Variants in LPAR1 observed in about 807,000 individuals in gnomAD.
LPAR1 encodes LPA receptor 1.
LPAR1 carries 5 observed loss-of-function variants against 23.8 expected under a neutral mutation model. The observed-to-expected ratio is 0.21, with a 90% CI of 0.11 to 0.44. The LOEUF is 0.44. LPAR1 is among the 20% of genes least tolerant of loss of function. The pLI is 0.99. For missense variants in LPAR1, 311 were observed against 482.8 expected (o/e 0.64, Z 3.33); for synonymous variants, 160 against 164.7 (o/e 0.97, Z 0.22).
rs557286445 is a variant in LPAR1 at position 110,926,167 on chromosome 9, G to C, written c.793+15254C>G. ...GATCTCCTGACCTCGTGATCCGCCC[G>C]CCTAGGCCTCCCAAAGTGCTGGGAT... On this transcript the variant is annotated intron_variant, in intron 5 of 5. Transcript: ENST00000683809. 7.9e-4 allele frequency among the ~76,000 whole-genome samples: 121 copies of C among 152,236 alleles called. No homozygotes were observed. In the Middle Eastern group the frequency reaches 0.014, roughly 17 times the overall value.
At chr9:111,037,856 AG>A (rs2097922697) in intron 1 of LPAR1, 2 of 152,166 alleles carry the variant, frequency 1.3e-5, no homozygotes, top group Admixed American at 6.5e-5. Context: ...GCGGGACAGG[AG>A]GGCCGGCGGC....
At chr9:110,889,669 G>T (rs1004373479) in intron 5 of LPAR1, among the ~76,000 whole-genome samples, 1 of 152,174 alleles carries the variant, frequency 6.6e-6, no homozygotes, top group Non-Finnish European at 1.5e-5. Flanking sequence ...AATAACAACA[G>T]GATACCAGCT....
intron 5 of LPAR1, among the ~76,000 whole-genome samples, chr9:110,911,419 T>C (rs181103737): frequency 6.6e-6 from 1 of 152,214 alleles, no homozygotes; most frequent in Admixed American, 6.5e-5. Flanking sequence ...GGTTCACACC[T>C]GTGGCCCAGC....
At chr9:110,967,389 T>G (rs2096261436) in intron 4 of LPAR1, among the ~76,000 whole-genome samples, 1 of 152,218 alleles carries the variant, frequency 6.6e-6, no homozygotes, top group African/African-American at 2.4e-5. Context: ...TATTATTGTT[T>G]GAAACAATCA....
intron 5 of LPAR1, among the ~76,000 whole-genome samples, chr9:110,938,940 T>C (rs141880180): frequency 2.8e-4 from 42 of 152,292 alleles, no homozygotes; most frequent in Admixed American, 5.9e-4. Context: ...TGTTCTGTGC[T>C]ACCCTGCCTA....
chr9:110,879,473 T>C (rs1588105555), intron 5 of LPAR1, among the ~76,000 whole-genome samples: 1 of 133,738 alleles, frequency 7.5e-6, no homozygotes, highest in South Asian at 2.7e-4. Flanking sequence ...TATTGTAACA[T>C]CAGAAACAGA....
chr9:111,034,417 T>C (rs1307531816), intron 2 of LPAR1, among the ~76,000 whole-genome samples: 1 of 151,408 alleles, frequency 6.6e-6, no homozygotes, highest in African/African-American at 2.4e-5. Flanking sequence ...GGAAAAAAAA[T>C]GTTTTCTTGG....
chr9:110,902,807 G>A (rs2089766074), intron 5 of LPAR1, among the ~76,000 whole-genome samples: 1 of 152,184 alleles, frequency 6.6e-6, no homozygotes. Flanking sequence ...ACTAGTGCCT[G>A]TCTCCAGGAT....
At chr9:111,012,693 G>A (rs1388520330) in intron 2 of LPAR1, among the ~76,000 whole-genome samples, 1 of 152,048 alleles carries the variant, frequency 6.6e-6, no homozygotes, top group Admixed American at 6.6e-5. Flanking sequence ...GGCTGATGGG[G>A]CAAAATAAAG....
intron 5 of LPAR1, among the ~76,000 whole-genome samples, chr9:110,897,197 C>T (rs72764218): frequency 0.013 from 1,971 of 152,194 alleles, 18 homozygotes; most frequent in Middle Eastern, 0.027. Context: ...CCATGTGTTG[C>T]GGAAGGGACC....
intron 5 of LPAR1, among the ~76,000 whole-genome samples, chr9:110,905,191 TCTCA>T (rs1343933379): frequency 6.6e-6 from 1 of 152,214 alleles, no homozygotes; most frequent in Non-Finnish European, 1.5e-5. Flanking sequence ...CTTAACATGC[TCTCA>T]CTTCTTCCTC....
intron 2 of LPAR1, among the ~76,000 whole-genome samples, chr9:110,980,302 A>T (rs1406293739): frequency 2.6e-5 from 4 of 152,080 alleles, no homozygotes; most frequent in African/African-American, 9.6e-5. Flanking sequence ...AAAAGAAGTT[A>T]AAAAAAATCT....
At chr9:110,880,732 G>A (rs1588111400) in intron 5 of LPAR1, among the ~76,000 whole-genome samples, 1 of 152,190 alleles carries the variant, frequency 6.6e-6, no homozygotes, top group East Asian at 1.9e-4. Context: ...TCAGAGACCT[G>A]CGGTGGGAAT....
At position 110,910,243 on chromosome 9, in the gene LPAR1, T is replaced by C. The variant is rs73655674; in HGVS notation, c.793+31178A>G. On this transcript the variant is annotated intron_variant, in intron 5 of 5. Transcript: ENST00000683809. ...CTTTAAGCAGAAGCCAGTGCTCATT[T>C]ACCATTCCAAAAATCCTACAGCCCT... Among the ~76,000 whole-genome samples, 571 of 152,292 alleles carry C rather than the reference T, an allele frequency of 3.7e-3. 2 individuals carry two copies. The highest frequency in any genetic ancestry group is 0.013 in the African/African-American group (524 of 41,558).
In LPAR1 at chr9:110,941,078, C is replaced by T. The variant is rs534353252; in HGVS notation, c.793+343G>A. Among the ~76,000 whole-genome samples the T allele has an allele frequency of 2.6e-5, 4 of 152,146 alleles. No individual in the cohort carries two copies. The highest frequency in any genetic ancestry group is 9.6e-5 in the African/African-American group (4 of 41,510). ...GTCTGAAAATATGTAATACAGAAAC[C>T]ACAATGCAAAAGTTTCACAATTTAG... On this transcript the variant is annotated intron_variant, in intron 5 of 5. Coordinates refer to ENST00000683809, the MANE Select transcript of LPAR1 (RefSeq NM_001351411.2). The surrounding 1 kb of genome is among the most constrained non-coding windows in gnomAD (Gnocchi z 6.1).
intron 2 of LPAR1, among the ~76,000 whole-genome samples, chr9:111,023,837 G>A (rs1348405586): frequency 3.9e-5 from 6 of 152,190 alleles, no homozygotes; most frequent in Admixed American, 3.9e-4. Context: ...TTTACTATGT[G>A]TAGTAAACTA....
chr9:110,993,754 AG>A (rs2096941850), intron 2 of LPAR1, among the ~76,000 whole-genome samples: 1 of 152,200 alleles, frequency 6.6e-6, no homozygotes, highest in Non-Finnish European at 1.5e-5. Flanking sequence ...GAAAGGTGCC[AG>A]GCTCCTTGGA....
chr9:111,034,938 C>T (rs2097864051), intron 2 of LPAR1, among the ~76,000 whole-genome samples: 1 of 152,178 alleles, frequency 6.6e-6, no homozygotes, highest in Non-Finnish European at 1.5e-5. Context: ...ATTCTTCAAG[C>T]CACATTTATA....
intron 3 of LPAR1, 60 bp from the exon 4 acceptor site, chr9:110,972,280 T>C (rs146405789): frequency 1.6e-6 from 1 of 633,116 alleles, no homozygotes; most frequent in Non-Finnish European, 2.9e-6. Flanking sequence ...GGGTGTGAAG[T>C]ACCATTGGCC....
Sources: gnomAD v4.1 joint callset for allele counts (sites outside exome capture counted in the v4.1 genomes callset) on GRCh38, gnomAD v4.1.1 for gene constraint, Gnocchi (gnomAD v3.1) non-coding constraint, MANE v1.5 for transcripts, NCBI Gene and HGNC (gene_info 2026-07-23, HGNC 2026-07-21) for gene names.